ATF7IP2: variants seen among roughly 807,000 people sequenced by gnomAD.
ATF7IP2 encodes the protein activating transcription factor 7 interacting protein 2.
A neutral mutation model predicts 64.2 loss-of-function variants in ATF7IP2; 42 were observed. The observed-to-expected ratio is 0.65, with a 90% CI of 0.51 to 0.85. ATF7IP2 has a LOEUF of 0.85. ATF7IP2 is among the 40% of genes least tolerant of loss of function. ATF7IP2 has a pLI of 0.00. For synonymous variants in ATF7IP2, 308 were observed against 272.8 expected (o/e 1.13, Z -1.27); for missense variants, 933 against 784.2 (o/e 1.19, Z -2.27).
intron 8 of ATF7IP2, among the ~76,000 whole-genome samples, chr16:10,451,331 C>G (rs1057220900): frequency 6.6e-5 from 10 of 152,072 alleles, no homozygotes; most frequent in Non-Finnish European, 1.5e-4. Flanking sequence ...TTGTGGTGGT[C>G]TCTGTATTTC....
chr16:10,411,052 C>A (rs1428495091), intron 1 of ATF7IP2, among the ~76,000 whole-genome samples: 1 of 152,144 alleles, frequency 6.6e-6, no homozygotes. Context: ...CCCTGTATTT[C>A]TGGTATGAAA....
chr16:10,439,860 C>T (rs2048553693), intron 7 of ATF7IP2, among the ~76,000 whole-genome samples: 1 of 151,346 alleles, frequency 6.6e-6, no homozygotes, highest in Non-Finnish European at 1.5e-5. Context: ...ATCTTCCTTA[C>T]CTTTAATATT....
chr16:10,432,697 C>T (rs2048296589), intron 5 of ATF7IP2, among the ~76,000 whole-genome samples: 1 of 152,070 alleles, frequency 6.6e-6, no homozygotes, highest in South Asian at 2.1e-4. Flanking sequence ...GGCGAAACCC[C>T]GTCTCTACTA....
intron 3 of ATF7IP2, among the ~76,000 whole-genome samples, chr16:10,427,664 TG>T (rs1306413975): frequency 6.6e-6 from 1 of 152,126 alleles, no homozygotes; most frequent in African/African-American, 2.4e-5. Context: ...CAGACTAGCG[TG>T]GGCAACATAG....
intron 3 of ATF7IP2, among the ~76,000 whole-genome samples, chr16:10,424,120 G>T (rs1025870191): frequency 2.0e-5 from 3 of 152,208 alleles, no homozygotes; most frequent in African/African-American, 7.2e-5. Context: ...TGTCTTTAAG[G>T]CACAGATCAC....
chr16:10,411,491 C>T (rs1274817507), intron 1 of ATF7IP2, among the ~76,000 whole-genome samples: 1 of 151,962 alleles, frequency 6.6e-6, no homozygotes, highest in African/African-American at 2.4e-5. Context: ...CTGTCTCAGC[C>T]TCCAGAGTAG....
intron 3 of ATF7IP2, among the ~76,000 whole-genome samples, chr16:10,421,835 T>C (rs765368749): frequency 2.0e-5 from 3 of 152,248 alleles, no homozygotes; most frequent in Admixed American, 1.3e-4. Context: ...GGCAACACTT[T>C]CCAGTGAAAA....
intron 8 of ATF7IP2, chr16:10,449,834 C>G (rs2048928917): frequency 6.6e-6 from 1 of 152,048 alleles, no homozygotes; most frequent in Admixed American, 6.6e-5. Context: ...CAGTTCTGCT[C>G]TGATCTTAGA....
At chr16:10,477,613 G>A (rs370200146) in intron 12 of ATF7IP2, among the ~76,000 whole-genome samples, 2,738 of 152,084 alleles carry the variant, frequency 0.018, 56 homozygotes, top group East Asian at 0.078. Context: ...CTCTCTCACC[G>A]CTCCTATTCA....
In ATF7IP2 at chr16:10,482,431, T is replaced by A; in HGVS notation, c.*182T>A. ...ATGAATTTCTGGTTTGTATTAAATA[T>A]GTCCTTCCAATGGATAAGTTCTAAA... On this transcript the variant is annotated 3_prime_UTR_variant, in exon 14 of 14. Transcript: ENST00000562102. The A allele has an allele frequency of 1.9e-6, 1 of 524,902 alleles. No homozygotes were observed. The highest frequency in any genetic ancestry group is 3.3e-6 in the Non-Finnish European group (1 of 301,986). 32.5% of individuals were successfully genotyped at this position (524,902 alleles called of 1,614,324 possible). A position where few individuals can be genotyped will look rare whatever the true frequency, so the allele number is the denominator to read the frequency against.
intron 7 of ATF7IP2, 101 bp downstream of exon 7, chr16:10,438,336 C>A: frequency 8.0e-7 from 1 of 1,246,700 alleles, no homozygotes; most frequent in Non-Finnish European, 1.1e-6. Flanking sequence ...CCTCTGCCTT[C>A]TGAGCTCAAG....
chr16:10,433,800 G>C, intron 6 of ATF7IP2, 151 bp downstream of exon 6: 1 of 789,184 alleles, frequency 1.3e-6, no homozygotes, highest in Non-Finnish European at 2.1e-6. Flanking sequence ...ACAGACTGGG[G>C]AGAGATAACT....
chr16:10,411,341 G>A (rs2047754082), intron 1 of ATF7IP2, among the ~76,000 whole-genome samples: 2 of 120,304 alleles, frequency 1.7e-5, no homozygotes, highest in South Asian at 5.6e-4. Flanking sequence ...GTCTGGTACT[G>A]GGCCTTTTTG....
At chr16:10,451,967 G>T (rs142432471) in intron 8 of ATF7IP2, among the ~76,000 whole-genome samples, 30 of 152,102 alleles carry the variant, frequency 2.0e-4, no homozygotes, top group African/African-American at 3.4e-4. Flanking sequence ...CAGGAGAATC[G>T]CTTGAACCCG....
chr16:10,391,111 C>G (rs1426698386), intron 1 of ATF7IP2, among the ~76,000 whole-genome samples: 1 of 151,236 alleles, frequency 6.6e-6, no homozygotes, highest in East Asian at 1.9e-4. Context: ...GAGCTATGAT[C>G]GCGCCATTGC....
At chr16:10,399,624 A>G (rs1168527564) in intron 1 of ATF7IP2, among the ~76,000 whole-genome samples, 1 of 152,196 alleles carries the variant, frequency 6.6e-6, no homozygotes, top group Non-Finnish European at 1.5e-5. Context: ...AGGTAATGCA[A>G]TATCTTCAGC....
intron 8 of ATF7IP2, among the ~76,000 whole-genome samples, chr16:10,441,867 G>C (rs1225005265): frequency 6.6e-6 from 1 of 152,106 alleles, no homozygotes; most frequent in Non-Finnish European, 1.5e-5. Flanking sequence ...CAAGAGCTGG[G>C]AGTCACAAAG....
chr16:10,467,396 T>C (rs1177133384), intron 9 of ATF7IP2, among the ~76,000 whole-genome samples: 2 of 152,176 alleles, frequency 1.3e-5, no homozygotes, highest in African/African-American at 4.8e-5. Flanking sequence ...TGATAAAGTA[T>C]TTTGACTATC....
chr16:10,425,454 T>G (rs561953190), intron 3 of ATF7IP2, among the ~76,000 whole-genome samples: 1 of 152,160 alleles, frequency 6.6e-6, no homozygotes, highest in Admixed American at 6.6e-5. Flanking sequence ...CACCTTAATA[T>G]TAAATAATAT....
Sources: gnomAD v4.1 joint callset for allele counts (sites outside exome capture counted in the v4.1 genomes callset) on GRCh38, gnomAD v4.1.1 for gene constraint, MANE v1.5 for transcripts, NCBI Gene and HGNC (gene_info 2026-07-23, HGNC 2026-07-21) for gene names.